The following PLD5 variants were observed in gnomAD, a reference collection of about 807,000 sequenced individuals.
PLD5 encodes inactive phospholipase D5.
PLD5 carries 36 observed loss-of-function variants against 61.1 expected under a neutral mutation model. The observed-to-expected ratio is 0.59, with a 90% CI of 0.45 to 0.78. PLD5 has a LOEUF of 0.78. PLD5 is among the 30% of genes least tolerant of loss of function. PLD5 has a pLI of 0.00. For synonymous variants in PLD5, 243 were observed against 242.8 expected (o/e 1.00, Z -0.01); for missense variants, 515 against 644.4 (o/e 0.80, Z 2.17).
chr1:242,132,576 G>T (rs963459537), intron 5 of PLD5, among the ~76,000 whole-genome samples: 9 of 152,066 alleles, frequency 5.9e-5, no homozygotes, highest in African/African-American at 2.2e-4. Flanking sequence ...TTAATTACTA[G>T]GAGCTCTAAG....
intron 1 of PLD5, among the ~76,000 whole-genome samples, chr1:242,394,987 GAATATATATGTATATATGAA>G (rs1663426803): frequency 1.8e-5 from 1 of 55,184 alleles, no homozygotes; most frequent in Non-Finnish European, 3.5e-5. Context: ...GAATATATAT[GAATATATATGTATATATGAA>G]TATATATGAA....
intron 2 of PLD5, among the ~76,000 whole-genome samples, chr1:242,343,766 C>CA (rs1205089539): frequency 1.1e-3 from 108 of 101,130 alleles, no homozygotes; most frequent in East Asian, 3.5e-3. Context: ...CAGATCGAGG[C>CA]AAAAAAAAAA....
At chr1:242,501,872 CTT>C (rs939707321) in intron 1 of PLD5, among the ~76,000 whole-genome samples, 45 of 150,734 alleles carry the variant, frequency 3.0e-4, no homozygotes, top group Non-Finnish European at 5.0e-4. Flanking sequence ...GATATATTAA[CTT>C]GGGGTATATT....
At chr1:242,419,489 G>A (rs1302807661) in intron 1 of PLD5, among the ~76,000 whole-genome samples, 5 of 147,366 alleles carry the variant, frequency 3.4e-5, no homozygotes, top group African/African-American at 5.0e-5. Flanking sequence ...TCCACCTCCC[G>A]GGTTCACACA....
intron 1 of PLD5, among the ~76,000 whole-genome samples, chr1:242,366,217 T>C (rs1295141601): frequency 1.3e-5 from 2 of 152,210 alleles, no homozygotes; most frequent in African/African-American, 4.8e-5. Flanking sequence ...ATGTATTTAA[T>C]GTCTTCTCTG....
chr1:242,170,222 A>G (rs1181912698), intron 5 of PLD5, among the ~76,000 whole-genome samples: 1 of 152,182 alleles, frequency 6.6e-6, no homozygotes, highest in East Asian at 1.9e-4. Flanking sequence ...TGGGATGAAG[A>G]TTCAAGAAAA....
chr1:242,393,692 ATGAGTATATATG>A (rs1275094301), intron 1 of PLD5, among the ~76,000 whole-genome samples: 1,073 of 101,872 alleles, frequency 0.011, 27 homozygotes, highest in Non-Finnish European at 0.016. Flanking sequence ...GTGTATATAT[ATGAGTATATATG>A]TGTGTATATA....
intron 1 of PLD5, among the ~76,000 whole-genome samples, chr1:242,492,822 C>T (rs565893582): frequency 1.3e-5 from 2 of 152,258 alleles, no homozygotes; most frequent in East Asian, 3.9e-4. Context: ...TATTCTCATG[C>T]AGCTGAGAGA....
intron 2 of PLD5, among the ~76,000 whole-genome samples, chr1:242,333,609 G>A (rs1177377494): frequency 6.6e-6 from 1 of 152,108 alleles, no homozygotes; most frequent in South Asian, 2.1e-4. Context: ...TAAGTGTAAG[G>A]TTCAATGGTA....
chr1:242,487,842 T>A (rs1294329320), intron 1 of PLD5, among the ~76,000 whole-genome samples: 2 of 152,214 alleles, frequency 1.3e-5, no homozygotes, highest in African/African-American at 2.4e-5. Context: ...TGTATTTATG[T>A]ATATTGTATG....
rs889904070 is a variant in PLD5, at chr1:242,247,070, G to A, written c.607+18267C>T. 6.1e-5 allele frequency among the ~76,000 whole-genome samples: 9 copies of A among 148,462 alleles called. 1 individual carries two copies. The East Asian group carries it at 9.9e-4, about 16-fold the overall frequency. On this transcript the variant is annotated intron_variant, in intron 4 of 9. Coordinates refer to ENST00000536534, the MANE Select transcript of PLD5 (RefSeq NM_001372062.1). ...GCGATCTCGACTCACTGCAAGCTCC[G>A]CCTCCCGGGTTCACGCCATTCTCCT...
intron 4 of PLD5, among the ~76,000 whole-genome samples, chr1:242,234,177 C>T (rs376898104): frequency 6.6e-6 from 1 of 152,100 alleles, no homozygotes; most frequent in South Asian, 2.1e-4. Flanking sequence ...GATACAAATT[C>T]ATTTCTTTAC....
At chr1:242,277,044 G>A (rs189859292) in intron 3 of PLD5, among the ~76,000 whole-genome samples, 87 of 152,186 alleles carry the variant, frequency 5.7e-4, no homozygotes, top group African/African-American at 1.9e-3. Flanking sequence ...CCAGGCTCTC[G>A]GCGGCTGGAA....
At chr1:242,226,042 G>A (rs776982015) in intron 4 of PLD5, among the ~76,000 whole-genome samples, 13 of 152,078 alleles carry the variant, frequency 8.5e-5, no homozygotes, top group Non-Finnish European at 1.5e-4. Flanking sequence ...CCAGAACCTG[G>A]TACTACATTT....
chr1:242,344,515 G>C (rs949111413), intron 2 of PLD5, among the ~76,000 whole-genome samples: 11 of 152,170 alleles, frequency 7.2e-5, no homozygotes, highest in African/African-American at 2.7e-4. Flanking sequence ...AAGGAAGTAG[G>C]TTGTGAATAG....
At chr1:242,486,239 T>C (rs1231359125) in intron 1 of PLD5, among the ~76,000 whole-genome samples, 1 of 152,036 alleles carries the variant, frequency 6.6e-6, no homozygotes, top group East Asian at 1.9e-4. Context: ...CTAAAGAGCT[T>C]CTGCACAGCA....
Position 242,084,618 on chromosome 1 carries a change from G to A in PLD5, c.*5236C>T, listed in dbSNP as rs1187916115. The A allele has an allele frequency of 2.0e-5, 3 of 152,028 alleles. No individual in the cohort carries two copies. The highest frequency in any genetic ancestry group is 4.4e-5 in the Non-Finnish European group (3 of 68,018). 9.4% of individuals were successfully genotyped at this position (152,028 alleles called of 1,614,324 possible). A position where few individuals can be genotyped will look rare whatever the true frequency, so the allele number is the denominator to read the frequency against. On this transcript the variant is annotated 3_prime_UTR_variant, in exon 10 of 10. Coordinates refer to ENST00000536534, the MANE Select transcript of PLD5 (RefSeq NM_001372062.1). ...ACACGTTGGGTGAGCTGGTTGAGAT[G>A]GCTGTTAAAGTATGCTCTACAGCTC...
rs1012406094 is a variant in PLD5 at position 242,389,082 on chromosome 1, T to C, written c.190-40840A>G. ...AAAAAAAAAAAAATCATTGAGAAAC[T>C]AGGGTATTAAATGAAGACTTGAAAT... is the stretch of plus-strand genomic sequence containing the variant. On this transcript the variant is annotated intron_variant, in intron 1 of 9. Coordinates refer to ENST00000536534, the MANE Select transcript of PLD5 (RefSeq NM_001372062.1). 7.2e-4 allele frequency among the ~76,000 whole-genome samples: 107 copies of C among 148,944 alleles called. 1 individual carries two copies. The highest frequency in any genetic ancestry group is 4.1e-3 in the Admixed American group (62 of 14,982).
At chr1:242,471,431 T>C (rs1667445633) in intron 1 of PLD5, among the ~76,000 whole-genome samples, 2 of 152,134 alleles carry the variant, frequency 1.3e-5, no homozygotes, top group South Asian at 4.1e-4. Context: ...TGGAAGCCCA[T>C]AACTGACTCA....
Sources: allele counts gnomAD v4.1 joint callset (sites outside exome capture counted in the v4.1 genomes callset), GRCh38; gene constraint gnomAD v4.1.1; transcripts MANE v1.5; gene names NCBI Gene and HGNC (gene_info 2026-07-23, HGNC 2026-07-21).